RBM47: variants seen among roughly 807,000 people sequenced by gnomAD.
RBM47 encodes the protein RNA binding motif protein 47.
RBM47 carries 21 observed loss-of-function variants against 47.1 expected under a neutral mutation model. The observed-to-expected ratio is 0.45, with a 90% CI of 0.32 to 0.64. The LOEUF is 0.64. Ranked by LOEUF, RBM47 falls within the 30% of genes least tolerant of loss-of-function variation. The probability of loss-of-function intolerance (pLI) is 0.05; values close to 1 mark genes in which losing one functional copy is unlikely to be tolerated. For synonymous variants in RBM47, 375 were observed against 361.7 expected (o/e 1.04, Z -0.42); for missense variants, 708 against 870.9 (o/e 0.81, Z 2.35).
intron 1 of RBM47, among the ~76,000 whole-genome samples, chr4:40,619,527 A>T (rs1189246853): frequency 6.6e-6 from 1 of 152,110 alleles, no homozygotes; most frequent in Non-Finnish European, 1.5e-5. Flanking sequence ...TAATCCCCAT[A>T]ACCCTACCTT....
At chr4:40,541,606 C>T (rs533138155) in intron 2 of RBM47, among the ~76,000 whole-genome samples, 48 of 152,150 alleles carry the variant, frequency 3.2e-4, no homozygotes, top group Non-Finnish European at 5.7e-4. Context: ...GGTGTGGTGG[C>T]GCATGCCTAT....
chr4:40,583,526 C>T (rs1733198522), intron 1 of RBM47, among the ~76,000 whole-genome samples: 1 of 151,646 alleles, frequency 6.6e-6, no homozygotes, highest in Non-Finnish European at 1.5e-5. Flanking sequence ...TGTAGTGAGA[C>T]CCTGCCTCTA....
chr4:40,480,268 C>T (rs1022362877), intron 2 of RBM47, among the ~76,000 whole-genome samples: 4 of 152,032 alleles, frequency 2.6e-5, no homozygotes, highest in Non-Finnish European at 4.4e-5. Context: ...GTGAGCCACG[C>T]GCTCAGCCTC....
chr4:40,540,719 C>A (rs1193724373), intron 2 of RBM47, among the ~76,000 whole-genome samples: 5 of 146,580 alleles, frequency 3.4e-5, no homozygotes, highest in African/African-American at 1.2e-4. Context: ...TATTTTTTTC[C>A]TTATAGAACT....
chr4:40,476,701 G>C (rs540354173), intron 2 of RBM47, among the ~76,000 whole-genome samples: 1 of 152,238 alleles, frequency 6.6e-6, no homozygotes, highest in Non-Finnish European at 1.5e-5. Context: ...GGAGGTTAGA[G>C]GAAAAGGGAG....
At chr4:40,491,880 G>C in intron 2 of RBM47, 1 of 175,868 alleles carries the variant, frequency 5.7e-6, no homozygotes, top group Non-Finnish European at 1.2e-5. Context: ...AAGTGTAACT[G>C]AAGTATCAAG....
chr4:40,505,474 T>TAA (rs75559123), intron 2 of RBM47, among the ~76,000 whole-genome samples: 1 of 106,038 alleles, frequency 9.4e-6, no homozygotes. Flanking sequence ...AGACTTCATC[T>TAA]AAAAAAAAAA....
At chr4:40,476,580 G>T (rs1472427528) in intron 2 of RBM47, among the ~76,000 whole-genome samples, 1 of 152,076 alleles carries the variant, frequency 6.6e-6, no homozygotes, top group East Asian at 1.9e-4. Flanking sequence ...CAACAGATCA[G>T]GAGGACCTGA....
intron 1 of RBM47, among the ~76,000 whole-genome samples, chr4:40,556,285 C>T (rs1257754612): frequency 6.6e-6 from 1 of 152,008 alleles, no homozygotes; most frequent in African/African-American, 2.4e-5. Flanking sequence ...ATCTGCCCGC[C>T]TCAGCCTCCC....
At chr4:40,560,966 A>G (rs1412442691) in intron 1 of RBM47, among the ~76,000 whole-genome samples, 5 of 136,512 alleles carry the variant, frequency 3.7e-5, no homozygotes, top group African/African-American at 7.8e-5. Context: ...TCCTTCTCGG[A>G]AAAAAAAAAA....
chr4:40,520,301 C>G (rs1460733315), intron 2 of RBM47, among the ~76,000 whole-genome samples: 1 of 152,172 alleles, frequency 6.6e-6, no homozygotes, highest in Non-Finnish European at 1.5e-5. Context: ...ATAGCATTTT[C>G]CACCTCCAGC....
At chr4:40,572,366 CAA>C (rs147366103) in intron 1 of RBM47, among the ~76,000 whole-genome samples, 2 of 142,582 alleles carry the variant, frequency 1.4e-5, no homozygotes, top group South Asian at 4.4e-4. Flanking sequence ...GACTCCATCT[CAA>C]AAAAAAAAAG....
intron 1 of RBM47, among the ~76,000 whole-genome samples, chr4:40,595,983 T>C (rs767451946): frequency 6.6e-6 from 1 of 151,932 alleles, no homozygotes; most frequent in African/African-American, 2.4e-5. Flanking sequence ...CTGCAGCCAG[T>C]GTGGACGCAG....
At chr4:40,514,320 C>T (rs1725307364) in intron 2 of RBM47, among the ~76,000 whole-genome samples, 1 of 152,042 alleles carries the variant, frequency 6.6e-6, no homozygotes, top group Non-Finnish European at 1.5e-5. Flanking sequence ...TCTAGCAAAA[C>T]CAAAAACAGC....
Position 40,432,757 on chromosome 4 carries a change from G to A in RBM47, c.1436C>T (p.Pro479Leu). 1.9e-6 allele frequency: 3 copies of A among 1,613,362 alleles called. No individual in the cohort carries two copies. The highest frequency in any genetic ancestry group is 2.5e-6 in the Non-Finnish European group (3 of 1,179,852). Residue 479 changes from proline to leucine, a missense_variant, in exon 6 of 7, where the codon CCC becomes CTC. By Grantham distance (98) the Pro-to-Leu change is moderately conservative. Coordinates refer to ENST00000295971, the MANE Select transcript of RBM47 (RefSeq NM_001098634.2). ...KIHTVEHMIS[P>L]IAVQPDPASA... ...GGCTGGGTCTGGCTGCACAGCAATG[G>A]GGCTGATCATGTGCTCCACTGTGTG... is the stretch of plus-strand genomic sequence containing the variant.
chr4:40,451,996 C>G (rs1452519685), intron 3 of RBM47, among the ~76,000 whole-genome samples: 1 of 152,100 alleles, frequency 6.6e-6, no homozygotes, highest in Non-Finnish European at 1.5e-5. Flanking sequence ...ATGGCAAAAC[C>G]CTGTCTCTAC....
chr4:40,454,192 C>G (rs546309872), intron 3 of RBM47, among the ~76,000 whole-genome samples: 1 of 152,334 alleles, frequency 6.6e-6, no homozygotes, highest in African/African-American at 2.4e-5. Context: ...AAAGTGTTTA[C>G]TGTCTGGACC....
chr4:40,512,168 C>A (rs1278227838), intron 2 of RBM47, among the ~76,000 whole-genome samples: 6 of 152,100 alleles, frequency 3.9e-5, no homozygotes, highest in African/African-American at 1.4e-4. Flanking sequence ...CACCTCTAAT[C>A]CCAACACTTT....
At chr4:40,606,828 A>G (rs1052171512) in intron 1 of RBM47, among the ~76,000 whole-genome samples, 1 of 152,042 alleles carries the variant, frequency 6.6e-6, no homozygotes, top group Non-Finnish European at 1.5e-5. Context: ...ACACAGTGAC[A>G]CCTCCTCTCT....
Sources: gnomAD v4.1 joint callset for allele counts (sites outside exome capture counted in the v4.1 genomes callset) on GRCh38, gnomAD v4.1.1 for gene constraint, MANE v1.5 for transcripts, NCBI Gene and HGNC (gene_info 2026-07-23, HGNC 2026-07-21) for gene names.